PDE11A: variants seen among roughly 807,000 people sequenced by gnomAD.
PDE11A encodes the protein phosphodiesterase 11A.
A neutral mutation model predicts 100.5 loss-of-function variants in PDE11A; 100 were observed. That is an observed-to-expected ratio of 1.00 (90% CI 0.85 to 1.18). The LOEUF is 1.18. PDE11A is among the 50% of genes most tolerant of loss of function. The pLI, the probability that PDE11A is intolerant of heterozygous loss-of-function variation, is 0.00. For missense variants in PDE11A, 1,141 were observed against 1,152.6 expected (o/e 0.99, Z 0.15); for synonymous variants, 381 against 420.8 (o/e 0.91, Z 1.16).
At chr2:177,945,816 G>A (rs2085412493) in intron 2 of PDE11A, among the ~76,000 whole-genome samples, 1 of 106,464 alleles carries the variant, frequency 9.4e-6, no homozygotes, top group Middle Eastern at 4.2e-3. Context: ...CGTGCCATCC[G>A]GGAGGGAGGT....
chr2:177,649,617 A>G (rs1175335961), intron 19 of PDE11A, among the ~76,000 whole-genome samples: 1 of 152,230 alleles, frequency 6.6e-6, no homozygotes, highest in Non-Finnish European at 1.5e-5. Flanking sequence ...ATGCATGCAT[A>G]TGCACTATAT....
At chr2:177,662,278 C>A (rs2080495487) in intron 19 of PDE11A, among the ~76,000 whole-genome samples, 1 of 152,026 alleles carries the variant, frequency 6.6e-6, no homozygotes, top group Non-Finnish European at 1.5e-5. Context: ...AGTGTGTAGA[C>A]TTTGAGTTCA....
At chr2:177,685,872 C>G (rs1420878897) in intron 15 of PDE11A, among the ~76,000 whole-genome samples, 1 of 152,124 alleles carries the variant, frequency 6.6e-6, no homozygotes, top group Non-Finnish European at 1.5e-5. Context: ...GGCCCAAATT[C>G]CTTTCTATAA....
chr2:177,940,465 G>A (rs1450608685), intron 2 of PDE11A, among the ~76,000 whole-genome samples: 1 of 152,152 alleles, frequency 6.6e-6, no homozygotes, highest in African/African-American at 2.4e-5. Flanking sequence ...ATTTATTCCA[G>A]CATAGCTGAA....
intron 2 of PDE11A, among the ~76,000 whole-genome samples, chr2:178,103,191 G>A (rs1250981978): frequency 2.0e-5 from 3 of 150,550 alleles, no homozygotes; most frequent in Non-Finnish European, 4.4e-5. Flanking sequence ...AGTGGGGGGG[G>A]AAGGAATGAA....
chr2:178,015,464 TG>T (rs2086323317), intron 1 of PDE11A, among the ~76,000 whole-genome samples: 1 of 152,078 alleles, frequency 6.6e-6, no homozygotes, highest in African/African-American at 2.4e-5. Context: ...AGTTAAACCA[TG>T]GGAGCTATAC....
chr2:177,922,830 A>G (rs1361166453), intron 2 of PDE11A: 4 of 984,272 alleles, frequency 4.1e-6, no homozygotes, highest in Non-Finnish European at 4.8e-6. Flanking sequence ...CTCCCTCTAC[A>G]TTTCTTGTAT....
chr2:177,727,602 G>T (rs570267007), intron 12 of PDE11A, 56 bp downstream of exon 12: 18 of 992,836 alleles, frequency 1.8e-5, no homozygotes, highest in African/African-American at 1.3e-4. Flanking sequence ...AAAGGAGAAG[G>T]CCTGCCAGTT....
At chr2:177,927,916 C>T (rs542009924) in intron 2 of PDE11A, among the ~76,000 whole-genome samples, 1 of 151,976 alleles carries the variant, frequency 6.6e-6, no homozygotes, top group African/African-American at 2.4e-5. Flanking sequence ...ATCAGCCTGA[C>T]CAACATGGAG....
In PDE11A at chr2:178,084,042, G is replaced by GA. The variant is rs200409612; in HGVS notation, c.162+20259dup. ...AAATATACATATTCTTGTATGTATAGAAAAAAACTATATAGAAAAGTGAGC... is the reference window on the plus strand; with the variant it reads ...AAATATACATATTCTTGTATGTATAGAAAAAAAACTATATAGAAAAGTGAGC... On this transcript the variant is annotated intron_variant, in intron 2 of 20. Transcript: ENST00000358450. Among the ~76,000 whole-genome samples, 8 of 152,082 alleles carry GA rather than the reference G, an allele frequency of 5.3e-5. No individual in the cohort carries two copies. In the South Asian group the frequency reaches 1.5e-3, roughly 28 times the overall value.
At chr2:177,823,397 A>G (rs1427641650) in intron 6 of PDE11A, among the ~76,000 whole-genome samples, 1 of 152,172 alleles carries the variant, frequency 6.6e-6, no homozygotes, top group Non-Finnish European at 1.5e-5. Flanking sequence ...GACCCTTTAC[A>G]ATGAGTCTTC....
chr2:177,794,124 A>G (rs1033262207), intron 9 of PDE11A, among the ~76,000 whole-genome samples: 8 of 152,102 alleles, frequency 5.3e-5, no homozygotes, highest in African/African-American at 1.9e-4. Flanking sequence ...TGCTATGGAG[A>G]AAAACAAAGC....
At position 177,840,399 on chromosome 2, in the gene PDE11A, G is replaced by T; in HGVS notation, c.1368-16C>A. 1.2e-6 allele frequency: 2 copies of T among 1,612,598 alleles called. No homozygotes were observed. The highest frequency in any genetic ancestry group is 1.7e-6 in the Non-Finnish European group (2 of 1,178,860). On this transcript the variant is annotated splice_polypyrimidine_tract_variant and intron_variant, in intron 5 of 19. Coordinates refer to ENST00000286063, the MANE Select transcript of PDE11A (RefSeq NM_016953.4). ...TTCTTTGAAACTATCAGAGCACCAA[G>T]GTAGGCAGGAAGAAAAGAGAGAAAC...
intron 5 of PDE11A, among the ~76,000 whole-genome samples, chr2:177,841,005 C>A (rs1161047314): frequency 6.6e-6 from 1 of 152,178 alleles, no homozygotes; most frequent in African/African-American, 2.4e-5. Context: ...ATACCACTTA[C>A]AAAATCTCAC....
At position 177,779,209 on chromosome 2, in the gene PDE11A, A is replaced by G. The variant is rs1244233561; in HGVS notation, c.1738-9836T>C. 2.6e-5 allele frequency among the ~76,000 whole-genome samples: 4 copies of G among 152,366 alleles called. No homozygotes were observed. The East Asian group carries it at 7.7e-4, about 29-fold the overall frequency. On this transcript the variant is annotated intron_variant, in intron 9 of 19. Transcript: ENST00000286063. ...AATGCACATACCTTAATTTAAAAATACATTATTGCTAGAAATGCTAATGAT... is the reference window on the plus strand; with the variant it reads ...AATGCACATACCTTAATTTAAAAATGCATTATTGCTAGAAATGCTAATGAT...
chr2:177,693,802 A>G (rs529505334), intron 15 of PDE11A, among the ~76,000 whole-genome samples: 9 of 152,356 alleles, frequency 5.9e-5, no homozygotes, highest in Admixed American at 4.6e-4. Flanking sequence ...TACGCTATTT[A>G]ACCATTTGGA....
At chr2:177,964,270 C>T (rs946371283) in intron 2 of PDE11A, among the ~76,000 whole-genome samples, 3 of 152,016 alleles carry the variant, frequency 2.0e-5, no homozygotes, top group Admixed American at 6.6e-5. Flanking sequence ...ATCTTCTATC[C>T]ACCAATCCCT....
chr2:177,993,693 T>C (rs2086032480), intron 2 of PDE11A, among the ~76,000 whole-genome samples: 1 of 152,172 alleles, frequency 6.6e-6, no homozygotes, highest in Non-Finnish European at 1.5e-5. Context: ...AGCTCCCCTC[T>C]TCCTAAGTAG....
rs767050443 is a variant in PDE11A at position 177,711,752 on chromosome 2, C to T, written c.2153+17G>A. On this transcript the variant is annotated intron_variant, in intron 13 of 19. Coordinates refer to ENST00000286063, the MANE Select transcript of PDE11A (RefSeq NM_016953.4). ...AAAGGCAAATGCATTAAAATAACAACAGTTTAGAACACTTACTTAGCTTGG... is the reference window on the plus strand; with the variant it reads ...AAAGGCAAATGCATTAAAATAACAATAGTTTAGAACACTTACTTAGCTTGG... The T allele has an allele frequency of 8.5e-6, 11 of 1,298,314 alleles. 2 individuals are homozygous for T. The highest frequency in any genetic ancestry group is 5.9e-5 in the South Asian group (5 of 84,528). The allele number at this position is 1,298,314 out of a possible 1,614,324, so 80.4% of individuals were successfully genotyped here. A position where few individuals can be genotyped will look rare whatever the true frequency, so the allele number is the denominator to read the frequency against.
Sources: allele counts gnomAD v4.1 joint callset (sites outside exome capture counted in the v4.1 genomes callset), GRCh38; gene constraint gnomAD v4.1.1; transcripts MANE v1.5; gene names NCBI Gene and HGNC (gene_info 2026-07-23, HGNC 2026-07-21).